CNTNAP4: variants seen among roughly 807,000 people sequenced by gnomAD.
CNTNAP4 encodes the protein contactin associated protein family member 4, also known as contactin-associated protein-like 4.
CNTNAP4 carries 98 observed loss-of-function variants against 148.4 expected under a neutral mutation model. The observed-to-expected ratio is 0.66, with a 90% CI of 0.56 to 0.78. CNTNAP4 has a LOEUF of 0.78. Among genes scored for constraint, CNTNAP4 ranks in the 30% least tolerant of loss-of-function variants. The pLI is 0.00. For missense variants in CNTNAP4, 1,935 were observed against 1,565.6 expected (o/e 1.24, Z -3.98); for synonymous variants, 730 against 565.1 (o/e 1.29, Z -4.14).
At chr16:76,395,071 C>T (rs2078150075) in intron 3 of CNTNAP4, among the ~76,000 whole-genome samples, 1 of 152,112 alleles carries the variant, frequency 6.6e-6, no homozygotes, top group Non-Finnish European at 1.5e-5. Flanking sequence ...AAACGGTTTA[C>T]TTCTGATGGC....
At chr16:76,361,151 CTT>C (rs1412310269) in intron 3 of CNTNAP4, among the ~76,000 whole-genome samples, 3 of 151,778 alleles carry the variant, frequency 2.0e-5, no homozygotes, top group Non-Finnish European at 2.9e-5. Flanking sequence ...TAAAAAAAAA[CTT>C]AACATGAAAT....
intron 1 of CNTNAP4, among the ~76,000 whole-genome samples, chr16:76,302,866 C>T (rs1178570844): frequency 1.3e-5 from 2 of 152,102 alleles, no homozygotes; most frequent in East Asian, 3.9e-4. Flanking sequence ...GGGCTCTATG[C>T]CACGATGCTG....
intron 10 of CNTNAP4, among the ~76,000 whole-genome samples, chr16:76,468,200 G>A (rs572691725): frequency 2.0e-4 from 30 of 152,166 alleles, no homozygotes; most frequent in Non-Finnish European, 3.8e-4. Context: ...TTTGGCTGGC[G>A]CAGTGGCTCA....
intron 17 of CNTNAP4, among the ~76,000 whole-genome samples, chr16:76,534,899 G>A (rs35725958): frequency 0.16 from 24,988 of 152,134 alleles, 2,157 homozygotes; most frequent in African/African-American, 0.21. Context: ...AAACGTTACC[G>A]TTACATCACT....
chr16:76,340,810 CTT>C (rs1567770217), intron 2 of CNTNAP4, among the ~76,000 whole-genome samples: 1 of 152,186 alleles, frequency 6.6e-6, no homozygotes, highest in African/African-American at 2.4e-5. Context: ...CAAGATTACT[CTT>C]TTTCTCTCTG....
Position 76,558,667 on chromosome 16 carries a change from A to G in CNTNAP4, c.3911A>G (p.Lys1304Arg), listed in dbSNP as rs982508601. 1 of 1,609,000 alleles carries G rather than the reference A, an allele frequency of 6.2e-7. No individual in the cohort carries two copies. Among genetic ancestry groups the G allele is most frequent in the African/African-American group, 1.3e-5 (1 of 74,758 alleles). The change falls in exon 24 of 24, where the codon AAA becomes AGA. Residue 1304 changes from lysine to arginine, a missense_variant. Coordinates refer to ENST00000611870, the MANE Select transcript of CNTNAP4 (RefSeq NM_033401.5). ...CAAAATGCAGTCAATGAAAATCAGA[A>G]AGAGTACTTCTTCTGATTGGCAGCT... The part of the protein sequence containing the change: ...NIQNAVNENQ[K>R]EYFF
At chr16:76,359,491 GA>G (rs1431298044) in intron 3 of CNTNAP4, among the ~76,000 whole-genome samples, 1 of 149,608 alleles carries the variant, frequency 6.7e-6, no homozygotes, top group Admixed American at 6.6e-5. Flanking sequence ...CTACATACCT[GA>G]AATAATTAAA....
At chr16:76,395,269 T>A (rs975820262) in intron 3 of CNTNAP4, among the ~76,000 whole-genome samples, 1 of 126,686 alleles carries the variant, frequency 7.9e-6, no homozygotes, top group African/African-American at 2.7e-5. Flanking sequence ...GGCCAAAGAT[T>A]CTTTTTTTTT....
At chr16:76,534,196 G>T (rs1246328399) in intron 17 of CNTNAP4, among the ~76,000 whole-genome samples, 3 of 152,040 alleles carry the variant, frequency 2.0e-5, no homozygotes, top group Non-Finnish European at 4.4e-5. Flanking sequence ...GTATATTGTG[G>T]TTTAACAAAT....
chr16:76,460,681 A>T (rs988187215), intron 8 of CNTNAP4, among the ~76,000 whole-genome samples: 1 of 138,962 alleles, frequency 7.2e-6, no homozygotes, highest in Admixed American at 7.5e-5. Context: ...TGAACCTGGG[A>T]GGCAGAGCTT....
chr16:76,545,281 A>G (rs1422553760), intron 21 of CNTNAP4, among the ~76,000 whole-genome samples: 2 of 152,194 alleles, frequency 1.3e-5, no homozygotes, highest in African/African-American at 4.8e-5. Flanking sequence ...CCAGAGGGTT[A>G]GCCATACTGT....
intron 2 of CNTNAP4, among the ~76,000 whole-genome samples, chr16:76,317,385 G>A (rs1299015056): frequency 6.6e-6 from 1 of 151,110 alleles, no homozygotes; most frequent in Non-Finnish European, 1.5e-5. Context: ...TAATTAAATG[G>A]CACCTTGCTG....
chr16:76,440,428 T>C (rs1017102638), intron 4 of CNTNAP4, among the ~76,000 whole-genome samples: 13 of 152,272 alleles, frequency 8.5e-5, no homozygotes, highest in African/African-American at 3.1e-4. Flanking sequence ...AATCAATTTA[T>C]CCCGAAAACA....
intron 3 of CNTNAP4, among the ~76,000 whole-genome samples, chr16:76,376,255 T>TGA (rs1377966962): frequency 1.3e-5 from 2 of 151,988 alleles, no homozygotes; most frequent in Non-Finnish European, 2.9e-5. Context: ...AGCTAAAAGG[T>TGA]GAGAGTAGAT....
intron 2 of CNTNAP4, among the ~76,000 whole-genome samples, chr16:76,349,534 A>G (rs1965198337): frequency 6.6e-6 from 1 of 152,152 alleles, no homozygotes; most frequent in Non-Finnish European, 1.5e-5. Context: ...GAGCCAAACA[A>G]ATATTGGTAC....
chr16:76,324,771 T>A (rs541212882), intron 2 of CNTNAP4, among the ~76,000 whole-genome samples: 1 of 152,270 alleles, frequency 6.6e-6, no homozygotes, highest in Admixed American at 6.5e-5. Context: ...TGACCTTTCC[T>A]GGTACTTACT....
At chr16:76,483,815 T>C (rs1354693995) in intron 12 of CNTNAP4, among the ~76,000 whole-genome samples, 3 of 152,178 alleles carry the variant, frequency 2.0e-5, no homozygotes, top group Non-Finnish European at 4.4e-5. Context: ...CAGCTCTGTT[T>C]GTGTTCACAA....
intron 4 of CNTNAP4, among the ~76,000 whole-genome samples, chr16:76,437,454 G>T (rs1264648177): frequency 6.6e-6 from 1 of 152,104 alleles, no homozygotes; most frequent in Non-Finnish European, 1.5e-5. Context: ...ACCTATCAGG[G>T]TCATGGCAAA....
chr16:76,495,035 T>C lies in CNTNAP4; in HGVS notation c.2206T>C (p.Tyr736His). ...LEGNCIDSQY[Y>H]CNCDADRNEW... Reference sequence around the variant, plus strand: ...GGGAAACTGCATTGATTCTCAGTATTACTGCAATTGTGATGCTGACCGGAA... The same window carrying C: ...GGGAAACTGCATTGATTCTCAGTATCACTGCAATTGTGATGCTGACCGGAA... The change falls in exon 14 of 24, where the codon TAC becomes CAC. Residue 736 changes from tyrosine to histidine, a missense_variant. Physicochemically the swap from Tyr to His is moderately conservative, Grantham distance 83 (BLOSUM62 2). Transcript: ENST00000611870. The C allele has an allele frequency of 6.2e-7, 1 of 1,613,440 alleles. No homozygotes were observed. Among genetic ancestry groups the C allele is most frequent in the Non-Finnish European group, 8.5e-7 (1 of 1,179,440 alleles).
Sources: allele counts gnomAD v4.1 joint callset (sites outside exome capture counted in the v4.1 genomes callset), GRCh38; gene constraint gnomAD v4.1.1; transcripts MANE v1.5; gene names NCBI Gene and HGNC (gene_info 2026-07-23, HGNC 2026-07-21).